The following GUK1 variants were observed in gnomAD, a reference collection of about 807,000 sequenced individuals.
The protein encoded by GUK1 is guanylate kinase 1, also known as guanylate kinase.
In GUK1, 18 loss-of-function variants were observed where a neutral mutation model predicts 25.2. The ratio of observed to expected loss-of-function variants is 0.71; its 90% CI spans 0.49 to 1.06. GUK1 has a LOEUF of 1.06. GUK1 is among the 50% of genes least tolerant of loss of function. The probability of loss-of-function intolerance (pLI) is 0.00; values close to 1 mark genes in which losing one functional copy is unlikely to be tolerated. For synonymous variants in GUK1, 105 were observed against 117.6 expected (o/e 0.89, Z 0.69); for missense variants, 261 against 276.7 (o/e 0.94, Z 0.40).
chr1:228,145,923 G>T (rs1371921346), intron 3 of GUK1, 103 bp from the exon 3 acceptor site: 1 of 879,740 alleles, frequency 1.1e-6, no homozygotes, highest in Non-Finnish European at 1.9e-6. Flanking sequence ...TTCACTGGCT[G>T]CCTGCATCCT....
chr1:228,145,778 G>A, intron 3 of GUK1, 154 bp downstream of exon 2: 3 of 893,236 alleles, frequency 3.4e-6, no homozygotes, highest in Non-Finnish European at 5.2e-6. Flanking sequence ...AGAACCTGAG[G>A]TTATCACACT....
In GUK1 at chr1:228,141,234, A is replaced by G; in HGVS notation, c.-57A>G. On this transcript the variant is annotated 5_prime_UTR_variant, in exon 2 of 9. Coordinates refer to ENST00000312726, the MANE Select transcript of GUK1 (RefSeq NM_000858.7). Reference sequence around the variant, plus strand: ...CAAACATAGCCGCGCAGCATCGTGAAGGGCTGGGGCCTTCACTCCTCTGTG... The same window carrying G: ...CAAACATAGCCGCGCAGCATCGTGAGGGGCTGGGGCCTTCACTCCTCTGTG... 1 of 985,130 alleles carries G rather than the reference A, an allele frequency of 1.0e-6. No individual in the cohort carries two copies. The highest frequency in any genetic ancestry group is 1.7e-5 in the African/African-American group (1 of 57,354). The allele number at this position is 985,130 out of a possible 1,614,324, so 61.0% of individuals were successfully genotyped here. A position where few individuals can be genotyped will look rare whatever the true frequency, so the allele number is the denominator to read the frequency against.
At chr1:228,147,743 C>A in intron 7 of GUK1, 44 bp downstream of exon 6, 2 of 1,573,506 alleles carry the variant, frequency 1.3e-6, no homozygotes, top group South Asian at 1.1e-5. Flanking sequence ...GGAGGGGAGT[C>A]AGGGTTCTGA....
intron 3 of GUK1, 169 bp downstream of exon 2, chr1:228,145,793 C>T: frequency 2.5e-6 from 2 of 809,390 alleles, no homozygotes; most frequent in Non-Finnish European, 3.9e-6. Flanking sequence ...CACACTCCTG[C>T]TGTCCTGCGT....
rs888119584 is a variant in GUK1 at position 228,146,960 on chromosome 1, G to A, written c.251+22G>A. 3.3e-6 allele frequency: 5 copies of A among 1,530,396 alleles called. No individual in the cohort carries two copies. In the Admixed American group the frequency reaches 6.7e-5, roughly 20 times the overall value. The allele number at this position is 1,530,396 out of a possible 1,614,324, so 94.8% of individuals were successfully genotyped here. On this transcript the variant is annotated intron_variant, in intron 5 of 8. Coordinates refer to ENST00000312726, the MANE Select transcript of GUK1 (RefSeq NM_000858.7). Reference sequence around the variant, plus strand: ...CGAGGTGGGCCATGCGTGGGTGTGGGTGGGCTCCCAGGGTTGCTGTTGGCA... The same window carrying A: ...CGAGGTGGGCCATGCGTGGGTGTGGATGGGCTCCCAGGGTTGCTGTTGGCA...
intron 3 of GUK1, 81 bp from the exon 3 acceptor site, chr1:228,145,944 TG>T: frequency 9.8e-7 from 1 of 1,020,046 alleles, no homozygotes; most frequent in Non-Finnish European, 1.5e-6. Flanking sequence ...GGGGCTCAAG[TG>T]CTGTCGGGAC....
At chr1:228,142,640 G>T (rs566316991) in intron 2 of GUK1, among the ~76,000 whole-genome samples, 2 of 152,230 alleles carry the variant, frequency 1.3e-5, no homozygotes, top group South Asian at 2.1e-4. Context: ...TCTGATCGTT[G>T]TCAGGGCCCT....
chr1:228,140,248 G>A, upstream of GUK1: 2 of 1,440,778 alleles, frequency 1.4e-6, no homozygotes, highest in Non-Finnish European at 1.9e-6. Flanking sequence ...GCGGGCGGAG[G>A]TGGGCCGGTG....
chr1:228,140,354 C>T lies in GUK1; in HGVS notation c.-177C>T. 1 of 1,523,960 alleles carries T rather than the reference C, an allele frequency of 6.6e-7. No homozygotes were observed. 94.4% of individuals were successfully genotyped at this position (1,523,960 alleles called of 1,614,324 possible). ...GGCTGCGGCCGCCCTGGGCCGGGCCCCACCGGACGGTGAGTACGACAAGCG... is the reference window on the plus strand; with the variant it reads ...GGCTGCGGCCGCCCTGGGCCGGGCCTCACCGGACGGTGAGTACGACAAGCG... On this transcript the variant is annotated 5_prime_UTR_variant, in exon 1 of 9. Transcript: ENST00000312726.
intron 2 of GUK1, among the ~76,000 whole-genome samples, chr1:228,143,148 A>C (rs1414921472): frequency 6.6e-6 from 1 of 152,102 alleles, no homozygotes; most frequent in Admixed American, 6.5e-5. Context: ...GTGGGTTTAT[A>C]GTCACGTAGC....
chr1:228,147,091 G>A, intron 5 of GUK1, 153 bp downstream of exon 4: 1 of 659,346 alleles, frequency 1.5e-6, no homozygotes, highest in Non-Finnish European at 2.7e-6. Flanking sequence ...CCACGTCTGT[G>A]GCCCACAGTG....
chr1:228,147,055 C>T (rs1207554430), intron 5 of GUK1, 117 bp downstream of exon 4: 2 of 774,918 alleles, frequency 2.6e-6, no homozygotes, highest in South Asian at 1.5e-5. Context: ...ATGAATGTGG[C>T]CAGGTTGTGG....
intron 4 of GUK1, 126 bp from the exon 4 acceptor site, chr1:228,146,716 G>A (rs2034398753): frequency 1.3e-5 from 9 of 689,564 alleles, no homozygotes; most frequent in South Asian, 1.2e-4. Flanking sequence ...TGCCCAGCAA[G>A]GATCTGACTA....
In GUK1 at chr1:228,145,330, G is replaced by A. The variant is rs1409534515; in HGVS notation, c.-2-181G>A. 2.3e-5 allele frequency: 13 copies of A among 566,286 alleles called. 1 individual carries two copies. The highest frequency in any genetic ancestry group is 8.0e-5 in the South Asian group (3 of 37,440). 35.1% of individuals were successfully genotyped at this position (566,286 alleles called of 1,614,324 possible). The stretch of plus-strand genomic sequence containing the variant: ...GTCTGAGGGCCGCCCTGTGCATGCC[G>A]GCCCTTCCAACGTGGCAGAGCTCAG... On this transcript the variant is annotated intron_variant, in intron 2 of 8. Transcript: ENST00000312726.
rs907979372 is a variant in GUK1 at position 228,148,003 on chromosome 1, C to G, written c.475+304C>G. On this transcript the variant is annotated intron_variant, in intron 7 of 8. Coordinates refer to ENST00000312726, the MANE Select transcript of GUK1 (RefSeq NM_000858.7). ...TGAGATGTCCCCAACCTTCTAGCCC[C>G]GGGGGTGTCATGTGCATCCTCTTAC... 3 of 581,852 alleles carry G rather than the reference C, an allele frequency of 5.2e-6. No individual in the cohort carries two copies. The African/African-American group carries it at 5.6e-5, about 11-fold the overall frequency. 36.0% of individuals were successfully genotyped at this position (581,852 alleles called of 1,614,324 possible). A position where few individuals can be genotyped will look rare whatever the true frequency, so the allele number is the denominator to read the frequency against.
chr1:228,141,164 T>C lies in GUK1; in HGVS notation c.-127T>C, dbSNP rs2034021941. The C allele has an allele frequency of 1.0e-6, 1 of 985,478 alleles. No individual in the cohort carries two copies. Among genetic ancestry groups the C allele is most frequent in the South Asian group, 4.7e-5 (1 of 21,314 alleles). 61.0% of individuals were successfully genotyped at this position (985,478 alleles called of 1,614,324 possible). A position where few individuals can be genotyped will look rare whatever the true frequency, so the allele number is the denominator to read the frequency against. ...TACCTGGGGTTGCTGTCGAGGACCC[T>C]GTGCAAGACTCGGCCGGTTTTTCTT... is the stretch of plus-strand genomic sequence containing the variant. On this transcript the variant is annotated 5_prime_UTR_variant, in exon 2 of 9. Coordinates refer to ENST00000312726, the MANE Select transcript of GUK1 (RefSeq NM_000858.7).
At chr1:228,143,438 C>A (rs16848367) in intron 2 of GUK1, among the ~76,000 whole-genome samples, 1,655 of 152,326 alleles carry the variant, frequency 0.011, 42 homozygotes, top group East Asian at 0.084. Context: ...CACCATAATA[C>A]CATCAAGTCA....
intron 1 of GUK1, 54 bp downstream of exon 1, chr1:228,140,417 C>G: frequency 1.5e-6 from 2 of 1,299,116 alleles, no homozygotes; most frequent in Non-Finnish European, 2.0e-6. Flanking sequence ...CGGCAGCGGT[C>G]CCTGCGCTTT....
chr1:228,142,215 G>T (rs1384587755), intron 2 of GUK1, among the ~76,000 whole-genome samples: 1 of 152,274 alleles, frequency 6.6e-6, no homozygotes, highest in Non-Finnish European at 1.5e-5. Flanking sequence ...TCTCTGGCTG[G>T]CCAGGGCCCC....
Sources: allele counts gnomAD v4.1 joint callset (sites outside exome capture counted in the v4.1 genomes callset), GRCh38; gene constraint gnomAD v4.1.1; transcripts MANE v1.5; gene names NCBI Gene and HGNC (gene_info 2026-07-23, HGNC 2026-07-21).